CACNA1D: variants seen among roughly 807,000 people sequenced by gnomAD.
CACNA1D encodes calcium voltage-gated channel subunit alpha1 D.
In CACNA1D, 55 loss-of-function variants were observed where a neutral mutation model predicts 257.1. That is an observed-to-expected ratio of 0.21 (90% CI 0.17 to 0.27). The LOEUF (loss-of-function observed/expected upper bound fraction) is 0.27, where lower values mean the gene tolerates loss of function less well. Ranked by LOEUF, CACNA1D falls within the 10% of genes least tolerant of loss-of-function variation. CACNA1D has a pLI of 1.00. For synonymous variants in CACNA1D, 980 were observed against 1,014.9 expected (o/e 0.97, Z 0.65); for missense variants, 1,876 against 2,784.0 (o/e 0.67, Z 7.34).
chr3:53,636,929 G>C (rs1411881083), intron 3 of CACNA1D, among the ~76,000 whole-genome samples: 1 of 152,166 alleles, frequency 6.6e-6, no homozygotes, highest in Non-Finnish European at 1.5e-5. Flanking sequence ...TCACTGATCT[G>C]ATTTCCTTCT....
intron 37 of CACNA1D, among the ~76,000 whole-genome samples, chr3:53,778,029 A>G (rs987415234): frequency 1.3e-5 from 2 of 152,208 alleles, no homozygotes; most frequent in African/African-American, 4.8e-5. Flanking sequence ...AGCTCTAGAC[A>G]GAAACCAAGG....
At position 53,751,995 on chromosome 3, in the gene CACNA1D, A is replaced by AGGGG; in HGVS notation, c.3675+88_3675+89insGGGG. 2 of 1,316,278 alleles carry AGGGG rather than the reference A, an allele frequency of 1.5e-6. No homozygotes were observed. The highest frequency in any genetic ancestry group is 2.2e-6 in the Non-Finnish European group (2 of 909,666). 81.5% of individuals were successfully genotyped at this position (1,316,278 alleles called of 1,614,324 possible). A position where few individuals can be genotyped will look rare whatever the true frequency, so the allele number is the denominator to read the frequency against. ...TGCTGAGGGTGGAATGCTGCCCCTC[A>AGGGG]CAGGAGGGGTTTGATTTTTCTGATG... On this transcript the variant is annotated intron_variant, in intron 28 of 47. Transcript: ENST00000350061. The surrounding 1 kb of genome is among the most constrained non-coding windows in gnomAD (Gnocchi z 4.3).
chr3:53,629,889 A>T (rs2093803290), intron 3 of CACNA1D, among the ~76,000 whole-genome samples: 2 of 152,232 alleles, frequency 1.3e-5, no homozygotes, highest in Non-Finnish European at 2.9e-5. Flanking sequence ...TGCATTGCTG[A>T]CTGACAGTGT....
intron 3 of CACNA1D, among the ~76,000 whole-genome samples, chr3:53,567,331 A>C (rs184891350): frequency 2.6e-5 from 4 of 152,348 alleles, no homozygotes; most frequent in African/African-American, 9.6e-5. Context: ...GGGAGCACAC[A>C]GTTTTTCATT....
At chr3:53,605,463 A>G (rs1387794298) in intron 3 of CACNA1D, among the ~76,000 whole-genome samples, 1 of 152,236 alleles carries the variant, frequency 6.6e-6, no homozygotes, top group Non-Finnish European at 1.5e-5. Context: ...GCTAGCTGTC[A>G]AATCTGTAAT....
At position 53,747,428 on chromosome 3, in the gene CACNA1D, C is replaced by T; in HGVS notation, c.3294C>T (p.Ser1098=). ...LSAMMALFTV[S]TFEGWPALLY... ...CTATGATGGCGCTCTTCACAGTCTC[C>T]ACGTTTGAGGGCTGGCCTGCGTAAG... Residue 1098 remains serine, a synonymous_variant, in exon 26 of 48, where the codon TCC becomes TCT. Coordinates refer to ENST00000350061, the MANE Select transcript of CACNA1D (RefSeq NM_001128840.3). 2 of 1,614,230 alleles carry T rather than the reference C, an allele frequency of 1.2e-6. No homozygotes were observed. Among genetic ancestry groups the T allele is most frequent in the Non-Finnish European group, 1.7e-6 (2 of 1,180,030 alleles).
At chr3:53,571,776 T>G (rs1174945922) in intron 3 of CACNA1D, among the ~76,000 whole-genome samples, 1 of 152,158 alleles carries the variant, frequency 6.6e-6, no homozygotes, top group Non-Finnish European at 1.5e-5. Flanking sequence ...ACAATGAGTT[T>G]TATTGCAAAG....
rs870280 is a variant in CACNA1D at position 53,803,219 on chromosome 3, T to C, written c.5436-204T>C. The stretch of plus-strand genomic sequence containing the variant: ...CAGGGCACTGAGAGAGACCCTATCC[T>C]GGCCCGCAGGCACACCACACACACA... On this transcript the variant is annotated intron_variant, in intron 43 of 47. Transcript: ENST00000350061. 0.057 allele frequency among the ~76,000 whole-genome samples: 8,708 copies of C among 152,290 alleles called. 436 individuals are homozygous for C. Among genetic ancestry groups the C allele is most frequent in the Admixed American group, 0.16 (2,379 of 15,300 alleles).
At chr3:53,666,170 C>T (rs2094260573) in intron 6 of CACNA1D, among the ~76,000 whole-genome samples, 169 bp from the exon 7 acceptor site, 1 of 152,010 alleles carries the variant, frequency 6.6e-6, no homozygotes, top group African/African-American at 2.4e-5. Flanking sequence ...GCAGATTCCG[C>T]TAAGGAGGGA....
intron 6 of CACNA1D, among the ~76,000 whole-genome samples, 192 bp downstream of exon 6, chr3:53,666,004 C>T (rs183480885): frequency 7.9e-5 from 12 of 152,210 alleles, no homozygotes; most frequent in Non-Finnish European, 1.2e-4. Flanking sequence ...CTTTCCACCC[C>T]GATTTCCTGT....
intron 10 of CACNA1D, chr3:53,718,693 G>T: frequency 6.4e-7 from 1 of 1,558,056 alleles, no homozygotes; most frequent in Non-Finnish European, 8.7e-7. Context: ...TGCTGGTGGA[G>T]ACGGAGAGGC....
In CACNA1D at chr3:53,722,337, G is replaced by A. The variant is rs752606091; in HGVS notation, c.1529G>A (p.Arg510Gln). 2.5e-6 allele frequency: 4 copies of A among 1,614,224 alleles called. No homozygotes were observed. Among genetic ancestry groups the A allele is most frequent in the Admixed American group, 3.3e-5 (2 of 60,030 alleles). Residue 510 changes from arginine to glutamine, a missense_variant, in exon 12 of 48, where the codon CGA becomes CAA. Physicochemically the swap from Arg to Gln is conservative, Grantham distance 43. Around this residue, in one of 10 missense-constraint regions of CACNA1D, gnomAD observed 257 missense variants for 399.7 expected, o/e 0.64. Transcript: ENST00000350061. ...KLSRRWRRWNRFNRRRCRAAV... is the reference protein window; with the variant it reads ...KLSRRWRRWNQFNRRRCRAAV... ...AGCCGACGCTGGCGTCGCTGGAACC[G>A]ATTCAATCGCAGAAGATGTAGGGCC...
chr3:53,566,422 T>C (rs531345800), intron 3 of CACNA1D, among the ~76,000 whole-genome samples: 94 of 152,220 alleles, frequency 6.2e-4, no homozygotes, highest in African/African-American at 2.2e-3. Flanking sequence ...TGCTCGAATG[T>C]CATCTTCTCA....
chr3:53,729,054 T>C (rs1390982294), intron 15 of CACNA1D, among the ~76,000 whole-genome samples: 2 of 152,214 alleles, frequency 1.3e-5, no homozygotes, highest in Non-Finnish European at 2.9e-5. Context: ...ACTGAGATCA[T>C]GGAGGGAATA....
At chr3:53,609,337 G>C (rs151059169) in intron 3 of CACNA1D, among the ~76,000 whole-genome samples, 2 of 150,790 alleles carry the variant, frequency 1.3e-5, no homozygotes, top group African/African-American at 2.4e-5. Flanking sequence ...GTGATCCTGG[G>C]AGGCAGAGCT....
chr3:53,505,056 C>G (rs2090768521), intron 3 of CACNA1D, among the ~76,000 whole-genome samples: 1 of 151,428 alleles, frequency 6.6e-6, no homozygotes, highest in Non-Finnish European at 1.5e-5. Flanking sequence ...GCCCATGTCT[C>G]TCTATCCCCT....
At chr3:53,653,383 G>A (rs759034665) in intron 4 of CACNA1D, among the ~76,000 whole-genome samples, 17 of 152,242 alleles carry the variant, frequency 1.1e-4, no homozygotes, top group African/African-American at 1.9e-4. Flanking sequence ...AGGAAACTCC[G>A]TCAGTAGAAA....
chr3:53,696,380 A>G (rs1386724601), intron 8 of CACNA1D, among the ~76,000 whole-genome samples: 1 of 152,182 alleles, frequency 6.6e-6, no homozygotes, highest in Non-Finnish European at 1.5e-5. Context: ...CAGCAGCTGC[A>G]TGGCCTTGTG....
At chr3:53,565,627 A>G (rs1347474726) in intron 3 of CACNA1D, among the ~76,000 whole-genome samples, 1 of 152,184 alleles carries the variant, frequency 6.6e-6, no homozygotes, top group Non-Finnish European at 1.5e-5. Context: ...TCCAGAAAAT[A>G]TACTGAGGAA....
Sources: allele counts gnomAD v4.1 joint callset (sites outside exome capture counted in the v4.1 genomes callset), GRCh38; gene constraint gnomAD v4.1.1; regional missense constraint gnomAD v4.1.1; non-coding constraint Gnocchi (gnomAD v3.1); transcripts MANE v1.5; gene names NCBI Gene and HGNC (gene_info 2026-07-23, HGNC 2026-07-21).